Variants in ZNF81 observed in about 807,000 individuals in gnomAD.
The protein encoded by ZNF81 is zinc finger protein 81.
A neutral mutation model predicts 32.3 loss-of-function variants in ZNF81; 5 were observed. The observed-to-expected ratio is 0.15, with a 90% CI of 0.08 to 0.33. ZNF81 has a LOEUF of 0.33. Among genes scored for constraint, ZNF81 ranks in the 10% least tolerant of loss-of-function variants. The pLI, the probability that ZNF81 is intolerant of heterozygous loss-of-function variation, is 1.00. For missense variants in ZNF81, 379 were observed against 479.8 expected, an observed-to-expected ratio of 0.79 and a Z score of 1.96; for synonymous variants, 163 against 166.8, an observed-to-expected ratio of 0.98 and a Z score of 0.17.
chrX:47,873,172 C>T (rs1409040721), intron 2 of ZNF81, among the ~76,000 whole-genome samples: 1 of 111,803 alleles, frequency 8.9e-6, no homozygotes, highest in East Asian at 2.8e-4. Context: ...AGTAAGAAAG[C>T]ATGTTCGTTA....
intron 4 of ZNF81, among the ~76,000 whole-genome samples, chrX:47,902,479 C>T (rs1185257623): frequency 9.0e-6 from 1 of 111,697 alleles, no homozygotes; most frequent in Non-Finnish European, 1.9e-5. Flanking sequence ...TAGGTTACTA[C>T]ATCCAACAAC....
chrX:47,884,269 A>G (rs940452773), intron 2 of ZNF81, among the ~76,000 whole-genome samples: 20 of 83,094 alleles, frequency 2.4e-4, no homozygotes, highest in African/African-American at 7.7e-4. Context: ...AAAAAAAAAA[A>G]GGAGATTGTA....
chrX:47,853,857 A>C (rs782072037), intron 2 of ZNF81, among the ~76,000 whole-genome samples: 1 of 112,115 alleles, frequency 8.9e-6, no homozygotes, highest in African/African-American at 3.2e-5. Flanking sequence ...GCTGGCTTCA[A>C]CTTAAAGTAA....
chrX:47,847,278 G>A (rs1480989897), intron 2 of ZNF81, among the ~76,000 whole-genome samples: 1 of 111,098 alleles, frequency 9.0e-6, no homozygotes, highest in Non-Finnish European at 1.9e-5. Flanking sequence ...GCAGTGGCAC[G>A]ATCATAGCTT....
chrX:47,919,122 G>A lies in ZNF81; in HGVS notation c.*2490G>A, dbSNP rs962184484. 9.2e-6 allele frequency: 3 copies of A among 325,840 alleles called. No homozygotes were observed. In the East Asian group the frequency reaches 2.9e-4, roughly 32 times the overall value. 26.9% of individuals were successfully genotyped at this position (325,840 alleles called of 1,213,427 possible). A position where few individuals can be genotyped will look rare whatever the true frequency, so the allele number is the denominator to read the frequency against. ...ACAATTTTGGATGAGAAATTTGGAG[G>A]TCCTGGAATAGGGGTGAACACATTT... On this transcript the variant is annotated 3_prime_UTR_variant, in exon 5 of 5. Transcript: ENST00000338637.
At chrX:47,913,408 G>C (rs1038477656) in intron 4 of ZNF81, among the ~76,000 whole-genome samples, 1 of 110,924 alleles carries the variant, frequency 9.0e-6, no homozygotes, top group Non-Finnish European at 1.9e-5. Context: ...CACTTGGGAG[G>C]CTGAGGCAGG....
At chrX:47,909,016 T>C (rs1453821663) in intron 4 of ZNF81, among the ~76,000 whole-genome samples, 1 of 111,954 alleles carries the variant, frequency 8.9e-6, no homozygotes, top group Non-Finnish European at 1.9e-5. Flanking sequence ...AGTATTGGAG[T>C]TCAGCTTTAT....
intron 2 of ZNF81, among the ~76,000 whole-genome samples, chrX:47,867,711 T>C (rs2058565330): frequency 8.9e-6 from 1 of 112,463 alleles, no homozygotes; most frequent in Non-Finnish European, 1.9e-5. Context: ...GCAGAAATTC[T>C]CATTTCCTGA....
intron 2 of ZNF81, among the ~76,000 whole-genome samples, chrX:47,857,443 A>G (rs1417029719): frequency 8.9e-6 from 1 of 112,558 alleles, no homozygotes; most frequent in African/African-American, 3.2e-5. Context: ...CAAAATACAT[A>G]CAAGTAAACA....
chrX:47,860,383 G>A (rs868954926), intron 2 of ZNF81, among the ~76,000 whole-genome samples: 2 of 108,100 alleles, frequency 1.9e-5, no homozygotes, highest in Non-Finnish European at 3.8e-5. Flanking sequence ...GGGTTTCACC[G>A]TGTTAGTCAG....
intron 2 of ZNF81, among the ~76,000 whole-genome samples, chrX:47,858,704 G>A (rs1438204290): frequency 8.9e-6 from 1 of 111,851 alleles, no homozygotes; most frequent in African/African-American, 3.2e-5. Flanking sequence ...TGTGAAAGAT[G>A]TGTTTTATAT....
In ZNF81 at chrX:47,924,988, TTATAGA is replaced by T. The variant is rs1392368194; in HGVS notation, c.*8361_*8366del. On this transcript the variant is annotated 3_prime_UTR_variant, in exon 5 of 5. Transcript: ENST00000338637. ...TTTTTCCTGAAATACCAGTGGTAAG[TTATAGA>T]TATAACATTATAACCATAAATAATT... 2.7e-5 allele frequency among the ~76,000 whole-genome samples: 3 copies of T among 111,651 alleles called. No homozygotes were observed. The highest frequency in any genetic ancestry group is 1.9e-4 in the Admixed American group (2 of 10,508).
At chrX:47,871,701 A>G (rs1320842259) in intron 2 of ZNF81, among the ~76,000 whole-genome samples, 3 of 111,900 alleles carry the variant, frequency 2.7e-5, no homozygotes, top group African/African-American at 9.7e-5. Context: ...TAGTGCACCG[A>G]TAAATGCTGG....
chrX:47,882,089 A>T (rs2058623190), intron 2 of ZNF81, among the ~76,000 whole-genome samples: 1 of 111,402 alleles, frequency 9.0e-6, no homozygotes, highest in Non-Finnish European at 1.9e-5. Flanking sequence ...TGGTTTTTGA[A>T]ATTGAGTCAT....
chrX:47,855,043 G>A (rs1318033617), intron 2 of ZNF81, among the ~76,000 whole-genome samples: 2 of 109,741 alleles, frequency 1.8e-5, no homozygotes, highest in Non-Finnish European at 1.9e-5. Flanking sequence ...GCAGTGAGCC[G>A]AGATCATGCC....
rs144020522 is a variant in ZNF81, at chrX:47,852,625, G to A, written c.54+6304G>A. 5.6e-3 allele frequency among the ~76,000 whole-genome samples: 629 copies of A among 112,548 alleles called. 5 individuals are homozygous for A. Among genetic ancestry groups the A allele is most frequent in the African/African-American group, 0.019 (595 of 31,010 alleles). On this transcript the variant is annotated intron_variant, in intron 2 of 4. Coordinates refer to ENST00000338637, the MANE Select transcript of ZNF81 (RefSeq NM_007137.5). ...GTTAAAGTTTTATCATGAGATGGCA[G>A]CAATTCAGTCACATCTTCAGGCTTC...
intron 2 of ZNF81, among the ~76,000 whole-genome samples, chrX:47,869,256 A>C (rs1402595786): frequency 8.9e-6 from 1 of 112,242 alleles, no homozygotes; most frequent in East Asian, 2.8e-4. Flanking sequence ...AAACATTACT[A>C]GTGAAGATGG....
At chrX:47,837,535 T>C (rs1432432681) in intron 1 of ZNF81, among the ~76,000 whole-genome samples, 1 of 112,349 alleles carries the variant, frequency 8.9e-6, no homozygotes, top group Non-Finnish European at 1.9e-5. Flanking sequence ...GTGAGTTACT[T>C]TTTGTATAAA....
chrX:47,901,550 T>C (rs1414864918), intron 4 of ZNF81, among the ~76,000 whole-genome samples: 2 of 111,984 alleles, frequency 1.8e-5, no homozygotes, highest in East Asian at 2.8e-4. Flanking sequence ...TGCCAAATGC[T>C]TTTTATGTAT....
Sources: allele counts gnomAD v4.1 joint callset (sites outside exome capture counted in the v4.1 genomes callset), GRCh38; gene constraint gnomAD v4.1.1; transcripts MANE v1.5; gene names NCBI Gene and HGNC (gene_info 2026-07-23, HGNC 2026-07-21).